Variants in LRRC73 observed in about 807,000 individuals in gnomAD.
The protein encoded by LRRC73 is leucine rich repeat containing 73, also known as leucine-rich repeat-containing protein 73.
In LRRC73, 16 loss-of-function variants were observed where a neutral mutation model predicts 26.4. The ratio of observed to expected loss-of-function variants is 0.61; its 90% CI spans 0.41 to 0.92. The LOEUF (loss-of-function observed/expected upper bound fraction) is 0.92, where lower values mean the gene tolerates loss of function less well. LRRC73 is among the 40% of genes least tolerant of loss of function. The probability of loss-of-function intolerance (pLI) is 0.00; values close to 1 mark genes in which losing one functional copy is unlikely to be tolerated. For missense variants in LRRC73, 344 were observed against 416.3 expected, an observed-to-expected ratio of 0.83 and a Z score of 1.51; for synonymous variants, 210 against 179.8, an observed-to-expected ratio of 1.17 and a Z score of -1.34.
At chr6:43,508,781 G>T in exon 2 of LRRC73, 1 of 1,611,976 alleles carries the variant, frequency 6.2e-7, no homozygotes, top group Middle Eastern at 1.7e-4. Flanking sequence ...CCATCTGGGG[G>T]CAGGAGGCCA....
At chr6:43,507,501 G>A in exon 5 of LRRC73, 1 of 1,613,072 alleles carries the variant, frequency 6.2e-7, no homozygotes, top group Non-Finnish European at 8.5e-7. Context: ...TGGGCAGCAG[G>A]CTCCCGCCCT....
exon 1 of LRRC73, chr6:43,509,741 G>A: frequency 6.3e-7 from 1 of 1,587,014 alleles, no homozygotes; most frequent in Non-Finnish European, 8.5e-7. Context: ...GCACCTCGGC[G>A]CCGGACAGCG....
chr6:43,509,692 G>A, exon 1 of LRRC73: 4 of 1,591,688 alleles, frequency 2.5e-6, no homozygotes, highest in Non-Finnish European at 3.4e-6. Context: ...AGTGAGAGCA[G>A]GCGCACGGCG....
chr6:43,507,354 A>C (rs373415481), intron 5 of LRRC73, 46 bp from the exon 6 acceptor site: 4 of 1,610,414 alleles, frequency 2.5e-6, no homozygotes, highest in Admixed American at 1.7e-5. Context: ...CCTTCCTCCA[A>C]TGGGGACCAC....
At position 43,508,660 on chromosome 6, in the gene LRRC73, G is replaced by C. The variant is rs1189251466; in HGVS notation, c.433+100C>G. 4.7e-6 allele frequency: 7 copies of C among 1,477,918 alleles called. No homozygotes were observed. In the East Asian group the frequency reaches 1.4e-4, roughly 29 times the overall value. The allele number at this position is 1,477,918 out of a possible 1,614,324, so 91.6% of individuals were successfully genotyped here. ...CTGAGAGGAGTAGAAAGATGTTCTC[G>C]CCCACATCATCAGAGCTCTGGGGCC... On this transcript the variant is annotated intron_variant, in intron 2 of 5. Coordinates refer to ENST00000372441, the Ensembl canonical transcript of LRRC73.
At chr6:43,507,456 C>T (rs1479536789) in exon 5 of LRRC73, 7 of 1,612,728 alleles carry the variant, frequency 4.3e-6, no homozygotes, top group African/African-American at 2.7e-5. Flanking sequence ...GGGTTCTTAC[C>T]GCTGGGGCAC....
At position 43,508,009 on chromosome 6, in the gene LRRC73, T is replaced by C. The variant is rs887699371; in HGVS notation, c.557-83A>G. ...AGCTTCCCCATTGCCTTAACAACTTTAGATACTAATCCCTGGCCAAGGAAA... is the reference window on the plus strand; with the variant it reads ...AGCTTCCCCATTGCCTTAACAACTTCAGATACTAATCCCTGGCCAAGGAAA... On this transcript the variant is annotated intron_variant, in intron 3 of 5. Coordinates refer to ENST00000372441, the Ensembl canonical transcript of LRRC73. The C allele has an allele frequency of 2.6e-5, 32 of 1,215,596 alleles. No individual in the cohort carries two copies. The African/African-American group carries it at 3.2e-4, about 12-fold the overall frequency. The allele number at this position is 1,215,596 out of a possible 1,614,324, so 75.3% of individuals were successfully genotyped here.
chr6:43,508,195 C>T, intron 3 of LRRC73, 103 bp downstream of exon 3: 6 of 1,470,094 alleles, frequency 4.1e-6, no homozygotes, highest in Non-Finnish European at 4.5e-6. Flanking sequence ...TCCCGTTTCT[C>T]TTCCCTCTCC....
At chr6:43,508,671 C>G in intron 2 of LRRC73, 89 bp downstream of exon 2, 1 of 1,507,722 alleles carries the variant, frequency 6.6e-7, no homozygotes, top group Non-Finnish European at 9.0e-7. Context: ...CCCACATCAT[C>G]AGAGCTCTGG....
chr6:43,509,943 C>T (rs1051148696), exon 1 of LRRC73: 11 of 503,590 alleles, frequency 2.2e-5, no homozygotes, highest in Admixed American at 4.7e-5. Context: ...GCTGCGGCTG[C>T]GGCGGAGGCT....
chr6:43,509,426 T>TG, intron 1 of LRRC73, 88 bp downstream of exon 1: 1 of 1,451,384 alleles, frequency 6.9e-7, no homozygotes, highest in South Asian at 1.4e-5. Flanking sequence ...AGGATGGTAC[T>TG]GGAAGGAGTG....
chr6:43,507,469 C>T lies in LRRC73; in HGVS notation c.867G>A (p.Trp289Ter). Residue 289 changes from tryptophan to a stop codon, truncating the protein, a stop_gained, in exon 5 of 6, where the codon TGG (tryptophan) becomes TGA (stop). Transcript: ENST00000372441. LOFTEE classifies it high-confidence loss of function. ...CTGGGTTCTTACCGCTGGGGCACAT[C>T]CAGGAGCTGCTGCCTCTCTGGTGGG... The T allele has an allele frequency of 1.2e-6, 2 of 1,612,996 alleles. No homozygotes were observed. The highest frequency in any genetic ancestry group is 8.5e-7 in the Non-Finnish European group (1 of 1,180,004).
At chr6:43,507,676 G>T in exon 5 of LRRC73, 3 of 1,613,714 alleles carry the variant, frequency 1.9e-6, no homozygotes, top group Non-Finnish European at 2.5e-6. Context: ...TGTCCAGCAG[G>T]GTCTGAAGTG....
At chr6:43,508,619 C>A in intron 2 of LRRC73, 141 bp downstream of exon 2, 1 of 1,391,936 alleles carries the variant, frequency 7.2e-7, no homozygotes, top group Non-Finnish European at 9.8e-7. Flanking sequence ...CATGCTGCCC[C>A]CCGTCCTGCC....
At chr6:43,507,116 A>T in exon 6 of LRRC73, 3 of 987,818 alleles carry the variant, frequency 3.0e-6, no homozygotes, top group Non-Finnish European at 4.6e-6. Context: ...AGGAGCTGCC[A>T]GAGCCCCCAT....
At chr6:43,507,354 A>G (rs373415481) in intron 5 of LRRC73, 46 bp from the exon 6 acceptor site, 135 of 1,610,414 alleles carry the variant, frequency 8.4e-5, no homozygotes, top group Non-Finnish European at 9.9e-5. Flanking sequence ...CCTTCCTCCA[A>G]TGGGGACCAC....
exon 1 of LRRC73, chr6:43,510,067 G>A (rs963242810): frequency 1.2e-5 from 3 of 253,894 alleles, no homozygotes; most frequent in East Asian, 8.1e-5. Flanking sequence ...GGGGCGGCCC[G>A]CACGGTCCGT....
intron 4 of LRRC73, 53 bp downstream of exon 4, chr6:43,507,772 TA>T: frequency 6.3e-7 from 1 of 1,595,660 alleles, no homozygotes; most frequent in Non-Finnish European, 8.6e-7. Flanking sequence ...ATCAGACACA[TA>T]AACTAACCTC....
At chr6:43,509,410 G>A (rs981926881) in intron 1 of LRRC73, 104 bp downstream of exon 1, 18 of 1,362,294 alleles carry the variant, frequency 1.3e-5, no homozygotes, top group Non-Finnish European at 1.6e-5. Flanking sequence ...TAAGGCATGT[G>A]AAGGTAGGAT....
Sources: allele counts gnomAD v4.1 joint callset, GRCh38; gene constraint gnomAD v4.1.1; transcripts MANE v1.5; gene names NCBI Gene and HGNC (gene_info 2026-07-23, HGNC 2026-07-21).